The following QTMAN variants were observed in gnomAD, a reference collection of about 807,000 sequenced individuals.
QTMAN encodes the protein tRNA-queuosine alpha-mannosyltransferase.
the QTMAN span, among the ~76,000 whole-genome samples, chr2:144,264,994 G>A: frequency 6.6e-6 from 1 of 152,202 alleles, no homozygotes; most frequent in African/African-American, 2.4e-5. Flanking sequence ...CAAGAATCCT[G>A]TCTACAGGAA....
the QTMAN span, among the ~76,000 whole-genome samples, chr2:144,100,785 G>A: frequency 1.3e-5 from 2 of 150,810 alleles, no homozygotes; most frequent in Non-Finnish European, 2.9e-5. Flanking sequence ...CATCTATTCA[G>A]GAATTCCTTG....
At chr2:144,024,196 T>C in the QTMAN span, among the ~76,000 whole-genome samples, 3 of 152,244 alleles carry the variant, frequency 2.0e-5, no homozygotes, top group Admixed American at 2.0e-4. Flanking sequence ...TGTGTTACAA[T>C]ATCTTTGTTA....
chr2:144,193,942 C>T, the QTMAN span, among the ~76,000 whole-genome samples: 2 of 152,096 alleles, frequency 1.3e-5, no homozygotes, highest in Non-Finnish European at 2.9e-5. Flanking sequence ...TATTTCTTCC[C>T]GCTCTATCAC....
the QTMAN span, among the ~76,000 whole-genome samples, chr2:144,331,094 C>T: frequency 6.6e-6 from 1 of 152,256 alleles, no homozygotes; most frequent in South Asian, 2.1e-4. Context: ...TTTCGTGATT[C>T]AAGAGGTACT....
the QTMAN span, among the ~76,000 whole-genome samples, chr2:144,247,996 T>A: frequency 6.6e-6 from 1 of 152,306 alleles, no homozygotes; most frequent in Admixed American, 6.5e-5. Flanking sequence ...CAGCCACCAC[T>A]GTATTTTCTA....
At chr2:144,263,068 G>A in the QTMAN span, among the ~76,000 whole-genome samples, 4 of 151,506 alleles carry the variant, frequency 2.6e-5, no homozygotes, top group African/African-American at 9.7e-5. Flanking sequence ...CATGGCTCAC[G>A]ACCCATATCT....
the QTMAN span, among the ~76,000 whole-genome samples, chr2:144,123,239 A>G: frequency 6.6e-6 from 1 of 152,160 alleles, no homozygotes; most frequent in South Asian, 2.1e-4. Flanking sequence ...TTTCCCAATC[A>G]TATTATCACA....
chr2:143,990,167 G>A, the QTMAN span, among the ~76,000 whole-genome samples: 1 of 152,042 alleles, frequency 6.6e-6, no homozygotes, highest in Non-Finnish European at 1.5e-5. Context: ...CTGCTGACCA[G>A]TAGTTCTCAA....
chr2:144,039,461 T>C, the QTMAN span, among the ~76,000 whole-genome samples: 2 of 152,108 alleles, frequency 1.3e-5, no homozygotes. Flanking sequence ...GGGAGTTTTC[T>C]ACTAAAATTT....
chr2:143,957,232 T>G, the QTMAN span: 1 of 1,609,120 alleles, frequency 6.2e-7, no homozygotes, highest in Admixed American at 1.7e-5. Flanking sequence ...GCTGTTGAGA[T>G]GACAACATCA....
chr2:144,133,145 ATATAT>A, the QTMAN span, among the ~76,000 whole-genome samples: 14 of 50,810 alleles, frequency 2.8e-4, 1 homozygote, highest in Admixed American at 1.0e-3. Flanking sequence ...ATATATATAT[ATATAT>A]AATATAATAT....
the QTMAN span, among the ~76,000 whole-genome samples, chr2:144,143,099 G>T: frequency 0.02 from 3,018 of 151,994 alleles, 39 homozygotes; most frequent in Middle Eastern, 0.048. Context: ...CCCAACTGTA[G>T]GCTAATGTAA....
At chr2:144,238,280 G>A in the QTMAN span, among the ~76,000 whole-genome samples, 1 of 152,150 alleles carries the variant, frequency 6.6e-6, no homozygotes, top group African/African-American at 2.4e-5. Context: ...TGTAGTGAAG[G>A]CATTTTGTTC....
At chr2:144,305,508 T>C in the QTMAN span, among the ~76,000 whole-genome samples, 1 of 152,230 alleles carries the variant, frequency 6.6e-6, no homozygotes, top group Non-Finnish European at 1.5e-5. Flanking sequence ...TGTAGCTTTG[T>C]ATTAAGTTTT....
chr2:144,028,620 G>A, the QTMAN span, among the ~76,000 whole-genome samples: 1 of 152,120 alleles, frequency 6.6e-6, no homozygotes, highest in Non-Finnish European at 1.5e-5. Context: ...CCGATGAGCA[G>A]AACAATCCAA....
chr2:144,011,791 C>T, the QTMAN span: 1 of 966,948 alleles, frequency 1.0e-6, no homozygotes, highest in African/African-American at 1.8e-5. Flanking sequence ...TTTCTCTTTC[C>T]CAGTTCCAAC....
the QTMAN span, among the ~76,000 whole-genome samples, chr2:144,055,384 A>G: frequency 2.6e-5 from 4 of 150,946 alleles, no homozygotes. Flanking sequence ...TGAGAGTTTT[A>G]CCTTCTAAAA....
chr2:144,266,623 G>C, the QTMAN span, among the ~76,000 whole-genome samples: 1 of 152,192 alleles, frequency 6.6e-6, no homozygotes, highest in Non-Finnish European at 1.5e-5. Context: ...AGGACTGGAA[G>C]TTGAAACATC....
At chr2:144,049,903 T>G in the QTMAN span, among the ~76,000 whole-genome samples, 10 of 152,144 alleles carry the variant, frequency 6.6e-5, no homozygotes, top group Admixed American at 6.5e-4. Context: ...AAGCCACCTA[T>G]TTAGTAAAGA....
Sources: gnomAD v4.1 joint callset for allele counts (sites outside exome capture counted in the v4.1 genomes callset) on GRCh38, gnomAD v4.1.1 for gene constraint, MANE v1.5 for transcripts, NCBI Gene and HGNC (gene_info 2026-07-23, HGNC 2026-07-21) for gene names.